The following CACNA1D variants were observed in gnomAD, a reference collection of about 807,000 sequenced individuals.
CACNA1D encodes voltage-dependent L-type calcium channel subunit alpha-1D.
Under a neutral mutation model 257.1 loss-of-function variants are expected in CACNA1D, and 55 were observed. The observed-to-expected ratio is 0.21, with a 90% CI of 0.17 to 0.27. CACNA1D has a LOEUF of 0.27. CACNA1D is among the 10% of genes least tolerant of loss of function. CACNA1D has a pLI of 1.00. For missense variants in CACNA1D, 1,876 were observed against 2,784.0 expected (o/e 0.67, Z 7.34); for synonymous variants, 980 against 1,014.9 (o/e 0.97, Z 0.65).
chr3:53,696,054 C>A (rs749163993), intron 8 of CACNA1D, among the ~76,000 whole-genome samples: 1 of 152,182 alleles, frequency 6.6e-6, no homozygotes, highest in Admixed American at 6.5e-5. Flanking sequence ...ACCTCAACCT[C>A]CCAGGCTCGG....
intron 3 of CACNA1D, among the ~76,000 whole-genome samples, chr3:53,615,203 G>C (rs577944225): frequency 6.6e-6 from 1 of 152,160 alleles, no homozygotes; most frequent in African/African-American, 2.4e-5. Flanking sequence ...TCTTCACCTG[G>C]TAGAGGGACC....
intron 19 of CACNA1D, among the ~76,000 whole-genome samples, chr3:53,733,832 G>C (rs894522205): frequency 1.3e-5 from 2 of 151,198 alleles, no homozygotes; most frequent in African/African-American, 4.9e-5. Context: ...TGTGATGGTA[G>C]CTTTTACAGC....
At chr3:53,682,850 C>T (rs2094445132) in intron 8 of CACNA1D, among the ~76,000 whole-genome samples, 1 of 152,026 alleles carries the variant, frequency 6.6e-6, no homozygotes, top group Admixed American at 6.5e-5. Flanking sequence ...TAAACAACTA[C>T]AAAAGACTGG....
At chr3:53,701,243 G>T (rs2094622820) in intron 8 of CACNA1D, among the ~76,000 whole-genome samples, 1 of 152,156 alleles carries the variant, frequency 6.6e-6, no homozygotes, top group African/African-American at 2.4e-5. Context: ...CCAGGTTCAA[G>T]CAATTCTCTT....
intron 3 of CACNA1D, among the ~76,000 whole-genome samples, chr3:53,521,962 CAAAAAAA>C (rs34352856): frequency 4.0e-5 from 5 of 125,518 alleles, no homozygotes; most frequent in Non-Finnish European, 8.6e-5. Flanking sequence ...CCATCTCTAC[CAAAAAAA>C]AAAAAAAAAG....
chr3:53,697,210 C>T (rs1367747613), intron 8 of CACNA1D, among the ~76,000 whole-genome samples: 3 of 152,218 alleles, frequency 2.0e-5, no homozygotes, highest in Non-Finnish European at 2.9e-5. Flanking sequence ...GGAGGCTGCT[C>T]CAGATGATAT....
chr3:53,741,072 G>A (rs2095113122), intron 21 of CACNA1D, among the ~76,000 whole-genome samples: 1 of 152,198 alleles, frequency 6.6e-6, no homozygotes, highest in Non-Finnish European at 1.5e-5. Context: ...GCTAATGGCT[G>A]CCATTGCTGC....
chr3:53,768,582 C>A (rs921763089), intron 30 of CACNA1D, among the ~76,000 whole-genome samples: 4 of 152,200 alleles, frequency 2.6e-5, no homozygotes, highest in Non-Finnish European at 5.9e-5. Flanking sequence ...ATAAAAATAG[C>A]AATCCTGGGT....
chr3:53,805,868 CCCT>C lies in CACNA1D; in HGVS notation c.5749+737_5749+739del, dbSNP rs368087826. Among the ~76,000 whole-genome samples the C allele has an allele frequency of 1.7e-3, 227 of 135,890 alleles. 2 individuals are homozygous for C. Among genetic ancestry groups the C allele is most frequent in the African/African-American group, 4.9e-3 (168 of 34,222 alleles). The allele number at this position is 135,890 out of a possible 152,430, so 89.1% of individuals were successfully genotyped here. On this transcript the variant is annotated intron_variant, in intron 45 of 47. Transcript: ENST00000350061. ...ATCTTTCCTCCTCCTCCCTCATCTT[CCCT>C]CCTCCTCCTCCTCCCGCATCTTCTC... is the stretch of plus-strand genomic sequence containing the variant.
intron 3 of CACNA1D, among the ~76,000 whole-genome samples, chr3:53,524,332 A>G (rs2107378429): frequency 6.6e-6 from 1 of 152,372 alleles, no homozygotes; most frequent in Middle Eastern, 3.4e-3. Context: ...CCATAAACAC[A>G]GAATATCTTA....
rs80084798 is a variant in CACNA1D, at chr3:53,754,438, C to T, written c.3786+756C>T. On this transcript the variant is annotated intron_variant, in intron 29 of 47. Transcript: ENST00000350061. ...CTGAAACAAGTTCCTTTCTTCCCTG[C>T]GCCTCGACTTCCTCACCCATAAAAT... 6.6e-5 allele frequency among the ~76,000 whole-genome samples: 10 copies of T among 152,284 alleles called. 1 individual carries two copies. In the East Asian group the frequency reaches 9.6e-4, roughly 15 times the overall value.
chr3:53,612,543 A>G (rs2093594522), intron 3 of CACNA1D, among the ~76,000 whole-genome samples: 1 of 152,250 alleles, frequency 6.6e-6, no homozygotes, highest in South Asian at 2.1e-4. Context: ...TCACAGTTTC[A>G]GAGTTGCTTT....
At chr3:53,631,073 G>T (rs2093817386) in intron 3 of CACNA1D, among the ~76,000 whole-genome samples, 1 of 152,172 alleles carries the variant, frequency 6.6e-6, no homozygotes. Flanking sequence ...TCACAGTAGT[G>T]GTTGCCGAAG....
chr3:53,653,080 CT>C (rs1312116024), intron 4 of CACNA1D, among the ~76,000 whole-genome samples: 3 of 152,142 alleles, frequency 2.0e-5, no homozygotes, highest in African/African-American at 4.8e-5. Context: ...GTGAAACCCC[CT>C]GTCTACTAAA....
At chr3:53,676,466 A>G (rs2094378030) in intron 8 of CACNA1D, among the ~76,000 whole-genome samples, 1 of 152,234 alleles carries the variant, frequency 6.6e-6, no homozygotes. Flanking sequence ...AGAGGAAGAC[A>G]ATTTGTGTTG....
chr3:53,637,893 A>G (rs563593139), intron 3 of CACNA1D, among the ~76,000 whole-genome samples: 2 of 152,358 alleles, frequency 1.3e-5, no homozygotes, highest in Non-Finnish European at 2.9e-5. Context: ...TAAAGCAATG[A>G]TGAATTATGT....
intron 3 of CACNA1D, among the ~76,000 whole-genome samples, chr3:53,545,546 C>T (rs907197788): frequency 2.0e-5 from 3 of 152,176 alleles, no homozygotes; most frequent in Non-Finnish European, 4.4e-5. Context: ...CCAGGACTGT[C>T]ATAGTAGAGC....
At chr3:53,807,745 A>C (rs1273116608) in intron 45 of CACNA1D, 1 of 152,192 alleles carries the variant, frequency 6.6e-6, no homozygotes, top group African/African-American at 2.4e-5. Context: ...GGAGCTGTGG[A>C]TTGTCTTGTT....
intron 3 of CACNA1D, among the ~76,000 whole-genome samples, chr3:53,614,996 G>A (rs2093621646): frequency 6.6e-6 from 1 of 152,210 alleles, no homozygotes; most frequent in Non-Finnish European, 1.5e-5. Context: ...ATCAAAATGG[G>A]AAGGAGAGAG....
Sources: gnomAD v4.1 joint callset for allele counts (sites outside exome capture counted in the v4.1 genomes callset) on GRCh38, gnomAD v4.1.1 for gene constraint, MANE v1.5 for transcripts, NCBI Gene and HGNC (gene_info 2026-07-23, HGNC 2026-07-21) for gene names.